CACNA1E: variants seen among roughly 807,000 people sequenced by gnomAD.
CACNA1E encodes the protein voltage-dependent R-type calcium channel subunit alpha-1E.
A neutral mutation model predicts 259.2 loss-of-function variants in CACNA1E; 40 were observed. The ratio of observed to expected loss-of-function variants is 0.15; its 90% CI spans 0.12 to 0.20. The LOEUF (loss-of-function observed/expected upper bound fraction) is 0.20, where lower values mean the gene tolerates loss of function less well. Ranked by LOEUF, CACNA1E falls within the 10% of genes least tolerant of loss-of-function variation. The pLI, the probability that CACNA1E is intolerant of heterozygous loss-of-function variation, is 1.00. For synonymous variants in CACNA1E, 1,104 were observed against 1,138.5 expected (o/e 0.97, Z 0.61); for missense variants, 1,874 against 3,040.1 (o/e 0.62, Z 9.02).
At chr1:181,406,847 T>G (rs1303038142) in intron 1 of CACNA1E, among the ~76,000 whole-genome samples, 1 of 152,214 alleles carries the variant, frequency 6.6e-6, no homozygotes, top group Non-Finnish European at 1.5e-5. Context: ...TTTACCTAAC[T>G]TACAGTTCCA....
chr1:181,697,062 C>T (rs1651778770), intron 7 of CACNA1E, among the ~76,000 whole-genome samples: 1 of 152,184 alleles, frequency 6.6e-6, no homozygotes, highest in Non-Finnish European at 1.5e-5. Context: ...AGGGGCTTTT[C>T]TGACCTCGGG....
intron 2 of CACNA1E, among the ~76,000 whole-genome samples, chr1:181,460,378 T>C (rs1661725366): frequency 6.6e-6 from 1 of 152,126 alleles, no homozygotes; most frequent in South Asian, 2.1e-4. Flanking sequence ...CCTGTGTGTT[T>C]GTGAAGGGCA....
Position 181,720,802 on chromosome 1 carries a change from A to C in CACNA1E, c.1903A>C (p.Thr635Pro). Residue 635 changes from threonine to proline, a missense_variant, in exon 15 of 48, where the codon ACT (threonine) becomes CCT (proline). Physicochemically the swap from Thr to Pro is conservative, Grantham distance 38. Around this residue, in one of 14 missense-constraint regions of CACNA1E, gnomAD observed 102 missense variants for 279.4 expected, o/e 0.37. Coordinates refer to ENST00000367573, the MANE Select transcript of CACNA1E (RefSeq NM_001205293.3). ...TTTCAGGTTTAACTTTAATGATGGGACTCCTTCGGCAAATTTTGATACCTT... is the reference window on the plus strand; with the variant it reads ...TTTCAGGTTTAACTTTAATGATGGGCCTCCTTCGGCAAATTTTGATACCTT... ...FGGRFNFNDG[T>P]PSANFDTFPA... 6.2e-7 allele frequency: 1 copy of C among 1,607,508 alleles called. No homozygotes were observed. Among genetic ancestry groups the C allele is most frequent in the Non-Finnish European group, 8.5e-7 (1 of 1,174,982 alleles).
At chr1:181,431,657 G>A (rs113090756) in intron 2 of CACNA1E, among the ~76,000 whole-genome samples, 106 of 152,278 alleles carry the variant, frequency 7.0e-4, no homozygotes, top group African/African-American at 2.5e-3. Flanking sequence ...AGGGCCCTTG[G>A]TTTCAGGAAG....
chr1:181,751,388 C>T (rs1359960831), intron 26 of CACNA1E, among the ~76,000 whole-genome samples: 3 of 152,206 alleles, frequency 2.0e-5, no homozygotes, highest in Non-Finnish European at 4.4e-5. Context: ...GGGCCTCCTC[C>T]AGTTGAGTGG....
intron 2 of CACNA1E, among the ~76,000 whole-genome samples, chr1:181,428,601 G>C (rs1659479671): frequency 6.6e-6 from 1 of 152,134 alleles, no homozygotes; most frequent in African/African-American, 2.4e-5. Flanking sequence ...TGGTGGTGAT[G>C]GTTGGTGTGT....
chr1:181,564,621 T>C (rs1262554979), intron 3 of CACNA1E, among the ~76,000 whole-genome samples: 1 of 152,220 alleles, frequency 6.6e-6, no homozygotes, highest in East Asian at 1.9e-4. Context: ...ATCATGAATG[T>C]TCTTAATGGC....
At chr1:181,673,026 G>A (rs1047454800) in intron 7 of CACNA1E, among the ~76,000 whole-genome samples, 1 of 152,118 alleles carries the variant, frequency 6.6e-6, no homozygotes, top group Non-Finnish European at 1.5e-5. Context: ...TGAGAAAATT[G>A]AGGCAGAGAA....
chr1:181,335,019 G>A (rs1183919004), intron 1 of CACNA1E, among the ~76,000 whole-genome samples: 4 of 152,112 alleles, frequency 2.6e-5, no homozygotes, highest in African/African-American at 4.8e-5. Flanking sequence ...GGCACACTTC[G>A]CCTCTGGCCC....
intron 1 of CACNA1E, among the ~76,000 whole-genome samples, chr1:181,323,847 A>C (rs1440708999): frequency 6.6e-6 from 1 of 152,126 alleles, no homozygotes; most frequent in Non-Finnish European, 1.5e-5. Context: ...TGGATCTCAG[A>C]CTCTGGGTTA....
chr1:181,421,091 C>T (rs1658706875), intron 2 of CACNA1E, among the ~76,000 whole-genome samples: 1 of 152,160 alleles, frequency 6.6e-6, no homozygotes, highest in Admixed American at 6.5e-5. Context: ...TATCACAGAG[C>T]CAGTGAGGAT....
chr1:181,619,611 A>C (rs889844814), intron 6 of CACNA1E, among the ~76,000 whole-genome samples: 7 of 152,212 alleles, frequency 4.6e-5, no homozygotes, highest in African/African-American at 1.4e-4. Context: ...GGAAGTAAGG[A>C]GACCAGTTAG....
In CACNA1E at chr1:181,784,537, C is replaced by T. The variant is rs1176067573; in HGVS notation, c.5471-124C>T. ...TGGTATTGCAAGATCCACTGTCACT[C>T]AGTGCCAAGATTTCCTCTTAAAATA... is the stretch of plus-strand genomic sequence containing the variant. On this transcript the variant is annotated intron_variant, in intron 40 of 47. Coordinates refer to ENST00000367573, the MANE Select transcript of CACNA1E (RefSeq NM_001205293.3). 9.7e-6 allele frequency: 6 copies of T among 619,718 alleles called. No homozygotes were observed. In the East Asian group the frequency reaches 1.7e-4, roughly 18 times the overall value. 38.4% of individuals were successfully genotyped at this position (619,718 alleles called of 1,614,324 possible).
chr1:181,319,347 C>T (rs1039761252), intron 1 of CACNA1E, among the ~76,000 whole-genome samples: 4 of 152,224 alleles, frequency 2.6e-5, no homozygotes, highest in African/African-American at 7.2e-5. Flanking sequence ...CCACTGAGGT[C>T]AGAACCAGAG....
At chr1:181,358,142 G>A (rs1460266436) in intron 1 of CACNA1E, among the ~76,000 whole-genome samples, 2 of 152,092 alleles carry the variant, frequency 1.3e-5, no homozygotes, top group African/African-American at 2.4e-5. Flanking sequence ...CACCAGGCCG[G>A]GTCCACAGCT....
chr1:181,524,692 A>G (rs1053625481), intron 3 of CACNA1E, among the ~76,000 whole-genome samples: 3 of 152,218 alleles, frequency 2.0e-5, no homozygotes, highest in Non-Finnish European at 2.9e-5. Context: ...AGAGAGAGTA[A>G]GAATAAGGCA....
intron 7 of CACNA1E, among the ~76,000 whole-genome samples, chr1:181,659,181 G>A (rs954357869): frequency 6.6e-6 from 1 of 152,080 alleles, no homozygotes; most frequent in Non-Finnish European, 1.5e-5. Context: ...TTGGGCAAGT[G>A]AGGGAGAGAG....
intron 6 of CACNA1E, among the ~76,000 whole-genome samples, chr1:181,608,276 C>T (rs144502551): frequency 7.9e-5 from 12 of 151,824 alleles, no homozygotes; most frequent in African/African-American, 2.7e-4. Context: ...CAGGGAGGAG[C>T]GAGGAACGAT....
At chr1:181,629,548 A>G (rs993645336) in intron 6 of CACNA1E, among the ~76,000 whole-genome samples, 30 of 152,288 alleles carry the variant, frequency 2.0e-4, no homozygotes, top group Non-Finnish European at 4.4e-4. Context: ...AACATTAAAA[A>G]TGATTATATA....
Sources: gnomAD v4.1 joint callset for allele counts (sites outside exome capture counted in the v4.1 genomes callset) on GRCh38, gnomAD v4.1.1 for gene constraint, gnomAD v4.1.1 regional missense constraint, MANE v1.5 for transcripts, NCBI Gene and HGNC (gene_info 2026-07-23, HGNC 2026-07-21) for gene names.